Variants in LYSMD4 observed in about 807,000 individuals in gnomAD.
The protein encoded by LYSMD4 is LysM domain containing 4, also known as lysM and putative peptidoglycan-binding domain-containing protein 4.
In LYSMD4, 9 loss-of-function variants were observed where a neutral mutation model predicts 6.1. The ratio of observed to expected loss-of-function variants is 1.47; its 90% CI spans 0.88 to 2.56. LYSMD4 has a LOEUF of 2.56. Among genes scored for constraint, LYSMD4 ranks in the 30% most tolerant of loss-of-function variants. The pLI, the probability that LYSMD4 is intolerant of heterozygous loss-of-function variation, is 0.00. For synonymous variants in LYSMD4, 143 were observed against 148.5 expected (o/e 0.96, Z 0.27); for missense variants, 384 against 373.5 (o/e 1.03, Z -0.23).
In LYSMD4 at chr15:99,733,245, G is replaced by A. The variant is rs143921681; in HGVS notation, c.-9+100C>T. 3,664 of 378,136 alleles carry A rather than the reference G, an allele frequency of 9.7e-3. 28 individuals are homozygous for A. The highest frequency in any genetic ancestry group is 0.013 in the Non-Finnish European group (2,797 of 212,868). 23.4% of individuals were successfully genotyped at this position (378,136 alleles called of 1,614,324 possible). A position where few individuals can be genotyped will look rare whatever the true frequency, so the allele number is the denominator to read the frequency against. On this transcript the variant is annotated intron_variant, in intron 1 of 2. Coordinates refer to ENST00000684762, the MANE Select transcript of LYSMD4 (RefSeq NM_001284417.2). ...CCCCCTAGGAGCCCGGGGAGGGGCG[G>A]CCCGCCCGCGAACCCTCGAGCGAGG...
At chr15:99,723,095 C>A (rs903118850), downstream of LYSMD4, among the ~76,000 whole-genome samples, 2 of 151,564 alleles carry the variant, frequency 1.3e-5, no homozygotes, top group Non-Finnish European at 2.9e-5. Flanking sequence ...ACAGATACTA[C>A]AGAGGAAAAC....
Position 99,728,970 on chromosome 15 carries a change from G to A in LYSMD4, c.*153C>T. On this transcript the variant is annotated 3_prime_UTR_variant, in exon 3 of 3. Coordinates refer to ENST00000684762, the MANE Select transcript of LYSMD4 (RefSeq NM_001284417.2). ...CTTAGACTGGGTAAGGCCATGCCCA[G>A]GGCCAGTGCAATTGGGAATACTGCA... The A allele has an allele frequency of 9.4e-7, 1 of 1,065,046 alleles. No individual in the cohort carries two copies. The highest frequency in any genetic ancestry group is 1.4e-6 in the Non-Finnish European group (1 of 730,792). 66.0% of individuals were successfully genotyped at this position (1,065,046 alleles called of 1,614,324 possible).
At chr15:99,726,175 T>G (rs2059280451), downstream of LYSMD4, among the ~76,000 whole-genome samples, 1 of 67,972 alleles carries the variant, frequency 1.5e-5, no homozygotes, top group Non-Finnish European at 2.9e-5. Flanking sequence ...TTTTCCCGCC[T>G]GAGTCTCGCT....
At chr15:99,722,442 T>C (rs1437129650), downstream of LYSMD4, among the ~76,000 whole-genome samples, 1 of 152,058 alleles carries the variant, frequency 6.6e-6, no homozygotes, top group Non-Finnish European at 1.5e-5. Context: ...CACAAACTAT[T>C]TAAAGGAAGA....
At chr15:99,732,965 G>C in intron 1 of LYSMD4, 1 of 178,750 alleles carries the variant, frequency 5.6e-6, no homozygotes, top group Non-Finnish European at 1.2e-5. Flanking sequence ...GACGGGGCCA[G>C]CCTTCGCGTC....
rs1008969675 is a variant in LYSMD4, at chr15:99,732,138, A to G, written c.-8-131T>C. On this transcript the variant is annotated intron_variant, in intron 1 of 2. Transcript: ENST00000684762. ...CTGCAAATACTCAGCATACATCATCAACAGAAAAAAAAGAATGTGCTTATG... is the reference window on the plus strand; with the variant it reads ...CTGCAAATACTCAGCATACATCATCGACAGAAAAAAAAGAATGTGCTTATG... 7 of 946,318 alleles carry G rather than the reference A, an allele frequency of 7.4e-6. No homozygotes were observed. In the African/African-American group the frequency reaches 1.0e-4, roughly 14 times the overall value. 58.6% of individuals were successfully genotyped at this position (946,318 alleles called of 1,614,324 possible).
Position 99,728,671 on chromosome 15 carries a change from G to A in LYSMD4, c.*452C>T, listed in dbSNP as rs2059328025. 1.6e-5 allele frequency: 3 copies of A among 188,166 alleles called. No individual in the cohort carries two copies. In the South Asian group the frequency reaches 3.5e-4, roughly 22 times the overall value. The allele number at this position is 188,166 out of a possible 1,614,324, so 11.7% of individuals were successfully genotyped here. The stretch of plus-strand genomic sequence containing the variant: ...GCCTATTCCACAGCACCTTTGCCAG[G>A]CAGACAGAGAACACTCCTTCTCAGA... On this transcript the variant is annotated 3_prime_UTR_variant, in exon 3 of 3. Coordinates refer to ENST00000684762, the MANE Select transcript of LYSMD4 (RefSeq NM_001284417.2).
chr15:99,729,434 C>A lies in LYSMD4; in HGVS notation c.580G>T (p.Asp194Tyr). The A allele has an allele frequency of 6.2e-7, 1 of 1,614,184 alleles. No homozygotes were observed. The highest frequency in any genetic ancestry group is 8.5e-7 in the Non-Finnish European group (1 of 1,180,040). ...EIFLHESYCM[D>Y]TSHQPLLPAP... ...GGGAGCAGTGGCTGATGGGAGGTGT[C>A]CATGCAGTAACTTTCATGTAGAAAG... Residue 194 changes from aspartate to tyrosine, a missense_variant, in exon 3 of 3, where the codon GAC becomes TAC. Coordinates refer to ENST00000684762, the MANE Select transcript of LYSMD4 (RefSeq NM_001284417.2).
At position 99,729,556 on chromosome 15, in the gene LYSMD4, T is replaced by C. The variant is rs751436745; in HGVS notation, c.458A>G (p.Asp153Gly). The C allele has an allele frequency of 1.2e-6, 2 of 1,614,036 alleles. No homozygotes were observed. Among genetic ancestry groups the C allele is most frequent in the Admixed American group, 3.3e-5 (2 of 60,004 alleles). Residue 153 changes from aspartate (D) to glycine (G), a missense_variant, in exon 3 of 3, where the codon GAC becomes GGC. By Grantham distance (94) the Asp-to-Gly change is moderately conservative (BLOSUM62 -1). Transcript: ENST00000684762. ...GGCACCGGTGCCCGCGCCTGCTCTG[T>C]CTGCCTCTGGCAGTTCCACGGTCAC... ...TTVTVELPEA[D>G]RAGAGTGAQA...
Position 99,731,821 on chromosome 15 carries a change from A to G in LYSMD4, c.179T>C (p.Val60Ala), listed in dbSNP as rs1597394084. The G allele has an allele frequency of 6.2e-7, 1 of 1,612,698 alleles. No homozygotes were observed. ...PRGKERHKSGVHQPPQAGAGD... is the reference protein window; with the variant it reads ...PRGKERHKSGAHQPPQAGAGD... The stretch of plus-strand genomic sequence containing the variant: ...TGCTCCCGCCTGGGGAGGCTGGTGG[A>G]CACCGCTCTTGTGGCGCTCCTTGCC... Residue 60 changes from valine (V) to alanine (A), a missense_variant, in exon 2 of 3, where the codon GTC (valine) becomes GCC (alanine). Val to Ala is a moderately conservative substitution (Grantham distance 64, BLOSUM62 0). Coordinates refer to ENST00000684762, the MANE Select transcript of LYSMD4 (RefSeq NM_001284417.2).
Position 99,729,297 on chromosome 15 carries a change from G to C in LYSMD4, c.717C>G (p.Tyr239Ter). ...TCTCACCACTAGCTTGTATTTTAAA[G>C]TAGACCAAATAAAAGACAGGCAAGA... Reference protein sequence around the residue: ...GIVLPVFYLVYFKIQASGETP... With the variant: ...GIVLPVFYLV The change falls in exon 3 of 3, where the codon TAC becomes TAG. Residue 239 changes from tyrosine (Y) to a stop codon, truncating the protein, a stop_gained. Transcript: ENST00000684762. LOFTEE classifies it low-confidence loss of function (END_TRUNC). The C allele has an allele frequency of 1.9e-6, 3 of 1,614,212 alleles. No individual in the cohort carries two copies. Among genetic ancestry groups the C allele is most frequent in the Non-Finnish European group, 2.5e-6 (3 of 1,180,028 alleles).
Position 99,729,439 on chromosome 15 carries a change from C to G in LYSMD4, c.575G>C (p.Cys192Ser). 6.2e-7 allele frequency: 1 copy of G among 1,614,182 alleles called. No individual in the cohort carries two copies. The highest frequency in any genetic ancestry group is 1.1e-5 in the South Asian group (1 of 91,088). The change falls in exon 3 of 3, where the codon TGC becomes TCC. Residue 192 changes from cysteine (C) to serine (S), a missense_variant. Physicochemically the swap from Cys to Ser is moderately radical, Grantham distance 112. Coordinates refer to ENST00000684762, the MANE Select transcript of LYSMD4 (RefSeq NM_001284417.2). ...CAGTGGCTGATGGGAGGTGTCCATG[C>G]AGTAACTTTCATGTAGAAAGATTTC... ...QSEIFLHESY[C>S]MDTSHQPLLP...
chr15:99,722,665 T>C (rs2059246157), downstream of LYSMD4, among the ~76,000 whole-genome samples: 1 of 152,074 alleles, frequency 6.6e-6, no homozygotes, highest in Non-Finnish European at 1.5e-5. Flanking sequence ...TGTCAGAATA[T>C]ACAAACACAA....
rs1313742201 is a variant in LYSMD4 at position 99,728,112 on chromosome 15, A to G, written c.*1011T>C. 1.3e-5 allele frequency: 2 copies of G among 152,298 alleles called. No homozygotes were observed. Among genetic ancestry groups the G allele is most frequent in the Non-Finnish European group, 2.9e-5 (2 of 68,082 alleles). 9.4% of individuals were successfully genotyped at this position (152,298 alleles called of 1,614,324 possible). ...TTGGTCCTGGAACATTGTGAGTTAC[A>G]TTGCATATAGTGTTATTCTAAGGGC... is the stretch of plus-strand genomic sequence containing the variant. On this transcript the variant is annotated 3_prime_UTR_variant, in exon 3 of 3. Transcript: ENST00000684762.
upstream of LYSMD4, among the ~76,000 whole-genome samples, chr15:99,721,133 T>C (rs746936129): frequency 1.1e-4 from 16 of 152,310 alleles, no homozygotes; most frequent in Non-Finnish European, 2.2e-4. Flanking sequence ...CTTTTCTATA[T>C]GTGATACAAC....
upstream of LYSMD4, among the ~76,000 whole-genome samples, chr15:99,720,139 G>A (rs907372609): frequency 5.9e-5 from 9 of 152,076 alleles, no homozygotes; most frequent in African/African-American, 2.2e-4. Flanking sequence ...TATTTTTATG[G>A]AGTCAAATTT....
chr15:99,733,340 G>A lies in LYSMD4; in HGVS notation c.-9+5C>T, dbSNP rs1221489474. ...ACCGCGGCCCCCTCGTCCAGGCCCC[G>A]GTACCTCAGCGCCCAGGCTCCGCCG... On this transcript the variant is annotated splice_donor_5th_base_variant and intron_variant, in intron 1 of 2. Transcript: ENST00000684762. The A allele has an allele frequency of 1.3e-5, 5 of 393,368 alleles. No individual in the cohort carries two copies. The highest frequency in any genetic ancestry group is 2.2e-5 in the Non-Finnish European group (5 of 222,628). 24.4% of individuals were successfully genotyped at this position (393,368 alleles called of 1,614,324 possible).
exon 1 of LYSMD4, chr15:99,716,817 T>G (rs566854583): frequency 8.0e-5 from 31 of 387,058 alleles, no homozygotes; most frequent in African/African-American, 5.7e-4. Context: ...AGTAACTGCT[T>G]CTCACAGGAA....
chr15:99,723,768 A>C (rs566434670), downstream of LYSMD4, among the ~76,000 whole-genome samples: 4 of 152,278 alleles, frequency 2.6e-5, no homozygotes, highest in East Asian at 1.9e-4. Context: ...ATGAGTAAAA[A>C]TCGAGACATC....
Sources: gnomAD v4.1 joint callset for allele counts (sites outside exome capture counted in the v4.1 genomes callset) on GRCh38, gnomAD v4.1.1 for gene constraint, MANE v1.5 for transcripts, NCBI Gene and HGNC (gene_info 2026-07-23, HGNC 2026-07-21) for gene names.